The following BLACAT1 variants were observed in gnomAD, a reference collection of about 807,000 sequenced individuals.
BLACAT1 encodes the protein bladder cancer associated transcript 1.
At chr1:205,455,790 C>T (rs915689908) in intron 1 of BLACAT1, 127 bp downstream of exon 1, 8 of 152,112 alleles carry the variant, frequency 5.3e-5, no homozygotes, top group Non-Finnish European at 1.2e-4. Flanking sequence ...CTTAGGGACC[C>T]CTCTTCGCCC....
At chr1:205,436,489 A>C (rs370818007), downstream of BLACAT1, 4 of 139,120 alleles carry the variant, frequency 2.9e-5, no homozygotes, top group South Asian at 1.0e-3. Context: ...ACCCCGGCAC[A>C]GTGGGCACTG....
intron 1 of BLACAT1, among the ~76,000 whole-genome samples, chr1:205,447,322 C>T (rs976691299): frequency 1.3e-5 from 2 of 152,170 alleles, no homozygotes; most frequent in Admixed American, 6.5e-5. Context: ...CGGTTAGAAT[C>T]ATGGGGTACA....
intron 1 of BLACAT1, among the ~76,000 whole-genome samples, chr1:205,444,628 G>T (rs1485270100): frequency 6.6e-6 from 1 of 152,150 alleles, no homozygotes; most frequent in African/African-American, 2.4e-5. Context: ...GAGCAGGCCA[G>T]AAAGTAAGAT....
chr1:205,447,874 G>T (rs1666430417), intron 1 of BLACAT1, among the ~76,000 whole-genome samples: 1 of 152,186 alleles, frequency 6.6e-6, no homozygotes, highest in Admixed American at 6.5e-5. Context: ...CAGAAAAAAG[G>T]CTGCAGATTC....
intron 1 of BLACAT1, among the ~76,000 whole-genome samples, chr1:205,446,499 G>A (rs1185707297): frequency 6.6e-6 from 1 of 152,230 alleles, no homozygotes; most frequent in Non-Finnish European, 1.5e-5. Context: ...TGGCTCATCT[G>A]TACCCTTCCT....
downstream of BLACAT1, chr1:205,436,736 A>G (rs1423506961): frequency 6.6e-6 from 1 of 152,150 alleles, no homozygotes; most frequent in Non-Finnish European, 1.5e-5. Context: ...CATAGCAGCC[A>G]CCTTCAGGAG....
At chr1:205,452,242 G>A (rs1272642382) in intron 1 of BLACAT1, among the ~76,000 whole-genome samples, 1 of 152,148 alleles carries the variant, frequency 6.6e-6, no homozygotes, top group Non-Finnish European at 1.5e-5. Context: ...GGAGCCCCCA[G>A]TCCCACCATT....
At chr1:205,444,982 C>A (rs1045687627) in intron 1 of BLACAT1, among the ~76,000 whole-genome samples, 1 of 152,006 alleles carries the variant, frequency 6.6e-6, no homozygotes, top group Middle Eastern at 3.4e-3. Context: ...GAGCCCTCCG[C>A]CCCCTCCCCG....
chr1:205,442,912 CTG>C (rs951409049), intron 1 of BLACAT1, among the ~76,000 whole-genome samples: 2 of 152,170 alleles, frequency 1.3e-5, no homozygotes, highest in African/African-American at 2.4e-5. Context: ...TGCTAACATG[CTG>C]TGTCATCCTA....
chr1:205,454,527 A>AGTGT (rs746207549), intron 1 of BLACAT1, among the ~76,000 whole-genome samples: 5,009 of 149,132 alleles, frequency 0.034, 215 homozygotes, highest in African/African-American at 0.1. Flanking sequence ...ATCTGGTGTG[A>AGTGT]GTGTGTGTGT....
At position 205,448,285 on chromosome 1, in the gene BLACAT1, G is replaced by A; in HGVS notation, c.-36-7223C>T. 1.9e-6 allele frequency: 1 copy of A among 520,706 alleles called. No individual in the cohort carries two copies. The highest frequency in any genetic ancestry group is 1.4e-5 in the South Asian group (1 of 71,162). 32.3% of individuals were successfully genotyped at this position (520,706 alleles called of 1,614,324 possible). ...CTCCGAACCTGGTCCCATGGGAGGT[G>A]CAGCTGCGCAGGAGAAGGAGCTCGC... On this transcript the variant is annotated intron_variant, in intron 1 of 1. Coordinates refer to ENST00000629624, the Ensembl canonical transcript of BLACAT1. The surrounding 1 kb of genome is among the most constrained non-coding windows in gnomAD (Gnocchi z 4.7).
downstream of BLACAT1, among the ~76,000 whole-genome samples, chr1:205,439,614 C>A (rs549860363): frequency 6.6e-6 from 1 of 152,200 alleles, no homozygotes; most frequent in Non-Finnish European, 1.5e-5. Flanking sequence ...TATCTTGGGG[C>A]CTTGCCCTCT....
In BLACAT1 at chr1:205,450,252, C is replaced by T. The variant is rs1405162199; in HGVS notation, c.-37+5665G>A. Among the ~76,000 whole-genome samples the T allele has an allele frequency of 6.6e-6, 1 of 152,030 alleles. No individual in the cohort carries two copies. Among genetic ancestry groups the T allele is most frequent in the Non-Finnish European group, 1.5e-5 (1 of 67,992 alleles). ...TCTTGTATCTACTGGCTTTTGATCTCACTCCCTCTGAACCAGCCATGTATT... is the reference window on the plus strand; with the variant it reads ...TCTTGTATCTACTGGCTTTTGATCTTACTCCCTCTGAACCAGCCATGTATT... On this transcript the variant is annotated intron_variant, in intron 1 of 1. Transcript: ENST00000629624. This position sits in a 1 kb window ranked among gnomAD's most constrained non-coding sequence, Gnocchi z 4.4.
At chr1:205,447,922 T>A (rs1666430840) in intron 1 of BLACAT1, among the ~76,000 whole-genome samples, 1 of 152,182 alleles carries the variant, frequency 6.6e-6, no homozygotes, top group African/African-American at 2.4e-5. Context: ...GGAGTGAGGT[T>A]TTCCTGGAGG....
At chr1:205,453,213 C>G (rs556811095) in intron 1 of BLACAT1, among the ~76,000 whole-genome samples, 3 of 152,172 alleles carry the variant, frequency 2.0e-5, no homozygotes, top group African/African-American at 7.2e-5. Context: ...GGCCCAGAAC[C>G]AACGCACGAG....
chr1:205,438,078 G>T (rs1666236749), downstream of BLACAT1, among the ~76,000 whole-genome samples: 1 of 152,160 alleles, frequency 6.6e-6, no homozygotes, highest in Non-Finnish European at 1.5e-5. Context: ...GTGGGCCAGG[G>T]TCCTAGGCAA....
rs576769953 is a variant in BLACAT1 at position 205,447,164 on chromosome 1, G to A, written c.-36-6102C>T. Among the ~76,000 whole-genome samples the A allele has an allele frequency of 1.2e-4, 18 of 152,346 alleles. No individual in the cohort carries two copies. The East Asian group carries it at 2.3e-3, about 20-fold the overall frequency. On this transcript the variant is annotated intron_variant, in intron 1 of 1. Coordinates refer to ENST00000629624, the Ensembl canonical transcript of BLACAT1. ...AGCATGGGTTTTGGCACCAGACCAC[G>A]TGGGTTCACGTCCCAGTTGTGCTCC...
In BLACAT1 at chr1:205,448,204, T is replaced by TC. The variant is rs1265880630; in HGVS notation, c.-36-7143dup. 2.2e-6 allele frequency: 1 copy of TC among 451,224 alleles called. No individual in the cohort carries two copies. Among genetic ancestry groups the TC allele is most frequent in the African/African-American group, 2.0e-5 (1 of 49,510 alleles). The allele number at this position is 451,224 out of a possible 1,614,324, so 28.0% of individuals were successfully genotyped here. ...TTAGCCCCGATCCCAGGTTACCAGA[T>TC]CCCGTGATGCCCCACCCCCAAGCAA... On this transcript the variant is annotated intron_variant, in intron 1 of 1. Transcript: ENST00000629624. The surrounding 1 kb of genome is among the most constrained non-coding windows in gnomAD (Gnocchi z 4.7).
chr1:205,453,961 C>T (rs763739889), intron 1 of BLACAT1, among the ~76,000 whole-genome samples: 1 of 152,246 alleles, frequency 6.6e-6, no homozygotes, highest in Non-Finnish European at 1.5e-5. Context: ...GCCCCCACCC[C>T]TTTTCTTCCA....
Sources: allele counts gnomAD v4.1 joint callset (sites outside exome capture counted in the v4.1 genomes callset), GRCh38; gene constraint gnomAD v4.1.1; non-coding constraint Gnocchi (gnomAD v3.1); transcripts MANE v1.5; gene names NCBI Gene and HGNC (gene_info 2026-07-23, HGNC 2026-07-21).